Variants in PALD1 observed in about 807,000 individuals in gnomAD.
The protein encoded by PALD1 is phosphatase domain containing paladin 1, also known as paladin.
PALD1 carries 57 observed loss-of-function variants against 96.0 expected under a neutral mutation model. That is an observed-to-expected ratio of 0.59 (90% CI 0.48 to 0.74). The LOEUF (loss-of-function observed/expected upper bound fraction) is 0.74. Among genes scored for constraint, PALD1 ranks in the 30% least tolerant of loss-of-function variants. The pLI is 0.00. For missense variants in PALD1, 1,063 were observed against 1,143.7 expected, an observed-to-expected ratio of 0.93 and a Z score of 1.02; for synonymous variants, 464 against 473.6, an observed-to-expected ratio of 0.98 and a Z score of 0.26.
chr10:70,516,967 A>G (rs924130248), intron 1 of PALD1, among the ~76,000 whole-genome samples: 2 of 151,992 alleles, frequency 1.3e-5, no homozygotes, highest in Non-Finnish European at 2.9e-5. Flanking sequence ...GACCAGCCAG[A>G]TTTCCAGGGC....
chr10:70,517,762 G>T (rs772306128), intron 1 of PALD1, among the ~76,000 whole-genome samples: 1 of 152,026 alleles, frequency 6.6e-6, no homozygotes, highest in Admixed American at 6.6e-5. Flanking sequence ...TTCCTCCACC[G>T]ACCTGCTGTC....
chr10:70,461,932 A>G, the PALD1 span, among the ~76,000 whole-genome samples: 1 of 152,118 alleles, frequency 6.6e-6, no homozygotes, highest in African/African-American at 2.4e-5. Context: ...AGCTGGGACT[A>G]CAGGCATGTG....
At chr10:70,495,891 T>TC (rs1846186264) in intron 1 of PALD1, among the ~76,000 whole-genome samples, 1 of 151,228 alleles carries the variant, frequency 6.6e-6, no homozygotes, top group Non-Finnish European at 1.5e-5. Context: ...TGCCTGTAGT[T>TC]CCCCAGATAC....
At chr10:70,546,582 T>A (rs1847368879) in intron 17 of PALD1, among the ~76,000 whole-genome samples, 1 of 152,228 alleles carries the variant, frequency 6.6e-6, no homozygotes, top group Non-Finnish European at 1.5e-5. Context: ...CATTAAGTTG[T>A]GGATTGGTGG....
chr10:70,553,719 G>T (rs1227076224), intron 18 of PALD1, among the ~76,000 whole-genome samples: 1 of 152,206 alleles, frequency 6.6e-6, no homozygotes, highest in Non-Finnish European at 1.5e-5. Flanking sequence ...CTGACTCCCA[G>T]ATTGAGCCTC....
the PALD1 span, among the ~76,000 whole-genome samples, chr10:70,463,824 G>C: frequency 6.6e-6 from 1 of 152,142 alleles, no homozygotes; most frequent in South Asian, 2.1e-4. Context: ...GACCTAATTG[G>C]AAGAAAGGAA....
At chr10:70,545,190 T>C (rs1460720090) in intron 17 of PALD1, among the ~76,000 whole-genome samples, 1 of 81,654 alleles carries the variant, frequency 1.2e-5, no homozygotes, top group Admixed American at 1.5e-4. Flanking sequence ...TGGGGGTAGG[T>C]GGTGGGAGGG....
chr10:70,466,920 C>T, the PALD1 span, among the ~76,000 whole-genome samples: 1 of 152,200 alleles, frequency 6.6e-6, no homozygotes, highest in African/African-American at 2.4e-5. Flanking sequence ...CCAGCCCCAC[C>T]GTCCTGGCCT....
In PALD1 at chr10:70,537,912, G is replaced by A; in HGVS notation, c.1323+6G>A. 2 of 1,591,994 alleles carry A rather than the reference G, an allele frequency of 1.3e-6. No individual in the cohort carries two copies. Among genetic ancestry groups the A allele is most frequent in the South Asian group, 1.1e-5 (1 of 90,636 alleles). On this transcript the variant is annotated splice_donor_region_variant and intron_variant, in intron 11 of 19. Transcript: ENST00000263563. ...ACTACTACCTTCATGAGCAGGTGGG[G>A]CCTGGGAGGAGCAGACCCACGTCCC...
chr10:70,497,258 G>A (rs897398305), intron 1 of PALD1, among the ~76,000 whole-genome samples: 6 of 152,258 alleles, frequency 3.9e-5, no homozygotes, highest in East Asian at 1.9e-4. Flanking sequence ...GTGCACATAC[G>A]TGGATGAAGA....
At chr10:70,498,822 TG>T (rs1476248040) in intron 1 of PALD1, among the ~76,000 whole-genome samples, 1 of 151,800 alleles carries the variant, frequency 6.6e-6, no homozygotes. Flanking sequence ...CAGCTACTTT[TG>T]AGGCTGAGGC....
rs1346937696 is a variant in PALD1 at position 70,507,791 on chromosome 10, GGTGTA to G, written c.-29-18131_-29-18127del. ...TGTGTGTGTGTGTGTGTGTGTGTGTGGTGTATGTATGTGTTCGTAGAGATGAGGTC... is the reference window on the plus strand; with the variant it reads ...TGTGTGTGTGTGTGTGTGTGTGTGTGTGTATGTGTTCGTAGAGATGAGGTC... On this transcript the variant is annotated intron_variant, in intron 1 of 19. Coordinates refer to ENST00000263563, the MANE Select transcript of PALD1 (RefSeq NM_014431.3). Among the ~76,000 whole-genome samples the G allele has an allele frequency of 3.2e-4, 46 of 142,404 alleles. No individual in the cohort carries two copies. In the Middle Eastern group the frequency reaches 0.015, roughly 45 times the overall value. The allele number at this position is 142,404 out of a possible 152,430, so 93.4% of individuals were successfully genotyped here.
Position 70,530,739 on chromosome 10 carries a change from G to C in PALD1, c.469-551G>C, listed in dbSNP as rs1240554213. On this transcript the variant is annotated intron_variant, in intron 4 of 19. Transcript: ENST00000263563. ...TTGAGTGAGACAGAATGGGGTGGGGGTGTGGGCTGTGTGCAGGTCCCATCT... is the reference window on the plus strand; with the variant it reads ...TTGAGTGAGACAGAATGGGGTGGGGCTGTGGGCTGTGTGCAGGTCCCATCT... Among the ~76,000 whole-genome samples, 4 of 152,266 alleles carry C rather than the reference G, an allele frequency of 2.6e-5. No homozygotes were observed. The South Asian group carries it at 8.3e-4, about 32-fold the overall frequency.
intron 1 of PALD1, among the ~76,000 whole-genome samples, chr10:70,482,618 C>G (rs7920307): frequency 6.6e-6 from 1 of 151,846 alleles, no homozygotes; most frequent in African/African-American, 2.4e-5. Flanking sequence ...ACATCTGCCT[C>G]GACCATCTTC....
chr10:70,542,133 C>T (rs1312637944), intron 17 of PALD1, among the ~76,000 whole-genome samples: 1 of 152,170 alleles, frequency 6.6e-6, no homozygotes, highest in East Asian at 1.9e-4. Flanking sequence ...TTGCCCCTCC[C>T]CTGCCCTCGC....
intron 18 of PALD1, 28 bp downstream of exon 18, chr10:70,547,474 C>T: frequency 6.8e-7 from 1 of 1,462,084 alleles, no homozygotes; most frequent in Non-Finnish European, 9.2e-7. Context: ...CCCACCCCAC[C>T]CTGCCCCAGC....
intron 1 of PALD1, among the ~76,000 whole-genome samples, chr10:70,484,873 A>G (rs894864673): frequency 2.6e-5 from 4 of 152,234 alleles, no homozygotes; most frequent in African/African-American, 9.6e-5. Context: ...AATTTACTGC[A>G]AGCAAAGTTA....
chr10:70,525,879 A>G, intron 1 of PALD1, 44 bp from the exon 2 acceptor site: 1 of 1,534,948 alleles, frequency 6.5e-7, no homozygotes, highest in Non-Finnish European at 9.0e-7. Context: ...CCTGCTGTGG[A>G]TTTTCCCATC....
chr10:70,524,275 A>G (rs1266363404), intron 1 of PALD1, among the ~76,000 whole-genome samples: 1 of 152,134 alleles, frequency 6.6e-6, no homozygotes, highest in Non-Finnish European at 1.5e-5. Context: ...CTGGACCATC[A>G]GTATGTGGGG....
Sources: allele counts gnomAD v4.1 joint callset (sites outside exome capture counted in the v4.1 genomes callset), GRCh38; gene constraint gnomAD v4.1.1; transcripts MANE v1.5; gene names NCBI Gene and HGNC (gene_info 2026-07-23, HGNC 2026-07-21).